RALGAPA2: variants seen among roughly 807,000 people sequenced by gnomAD.
The protein encoded by RALGAPA2 is ral GTPase-activating protein subunit alpha-2.
A neutral mutation model predicts 230.4 loss-of-function variants in RALGAPA2; 139 were observed. The observed-to-expected ratio is 0.60, with a 90% confidence interval of 0.53 to 0.69. RALGAPA2 has a LOEUF of 0.69. RALGAPA2 is among the 30% of genes least tolerant of loss of function. The probability of loss-of-function intolerance (pLI) is 0.00; values close to 1 mark genes in which losing one functional copy is unlikely to be tolerated. For synonymous variants in RALGAPA2, 847 were observed against 837.8 expected, an observed-to-expected ratio of 1.01 and a Z score of -0.19; for missense variants, 2,163 against 2,276.0, an observed-to-expected ratio of 0.95 and a Z score of 1.01.
At chr20:20,460,641 T>G (rs779268593) in intron 37 of RALGAPA2, among the ~76,000 whole-genome samples, 56 of 152,202 alleles carry the variant, frequency 3.7e-4, no homozygotes, top group Non-Finnish European at 6.8e-4. Flanking sequence ...ATGTTTCCCC[T>G]AAATTAAAAA....
At chr20:20,549,265 G>C (rs1318734213) in intron 23 of RALGAPA2, among the ~76,000 whole-genome samples, 1 of 152,084 alleles carries the variant, frequency 6.6e-6, no homozygotes, top group Non-Finnish European at 1.5e-5. Flanking sequence ...CTGTAAAATG[G>C]GGCATTCAAA....
intron 23 of RALGAPA2, among the ~76,000 whole-genome samples, chr20:20,557,304 G>A (rs533055284): frequency 7.3e-5 from 11 of 151,432 alleles, no homozygotes; most frequent in African/African-American, 1.5e-4. Context: ...GTGATACTCC[G>A]TCTTAAAAAA....
At position 20,390,271 on chromosome 20, in the gene RALGAPA2, T is replaced by G. The variant is rs1454351234; in HGVS notation, c.*3018A>C. 6.6e-6 allele frequency: 1 copy of G among 152,188 alleles called. No homozygotes were observed. The highest frequency in any genetic ancestry group is 1.5e-5 in the Non-Finnish European group (1 of 68,036). 9.4% of individuals were successfully genotyped at this position (152,188 alleles called of 1,614,324 possible). ...TGATCAATCAACCTATGTCACCAAG[T>G]TTGGGTCACCCCACTTCCCCAACAT... On this transcript the variant is annotated 3_prime_UTR_variant, in exon 40 of 40. Transcript: ENST00000202677.
intron 12 of RALGAPA2, among the ~76,000 whole-genome samples, chr20:20,616,581 G>T (rs1475577540): frequency 6.6e-6 from 1 of 152,130 alleles, no homozygotes; most frequent in African/African-American, 2.4e-5. Context: ...GGGGGAATGG[G>T]AGGAGTAGAG....
At chr20:20,626,937 GCTGACCCCTGCTATAGATGATA>G (rs1435512115) in intron 10 of RALGAPA2, among the ~76,000 whole-genome samples, 1 of 152,152 alleles carries the variant, frequency 6.6e-6, no homozygotes, top group Non-Finnish European at 1.5e-5. Context: ...TAAAAAGTGT[GCTGACCCCTGCTATAGATGATA>G]CACTCCAGGA....
intron 14 of RALGAPA2, among the ~76,000 whole-genome samples, chr20:20,605,982 C>T (rs571526045): frequency 6.6e-6 from 1 of 152,228 alleles, no homozygotes; most frequent in South Asian, 2.1e-4. Context: ...ACACTCTGGA[C>T]CCCTTCCTCG....
intron 31 of RALGAPA2, among the ~76,000 whole-genome samples, chr20:20,519,606 A>G (rs563718877): frequency 1.3e-5 from 2 of 152,286 alleles, no homozygotes; most frequent in East Asian, 3.9e-4. Context: ...CTCCTGTTTC[A>G]TTCTCACCTT....
intron 14 of RALGAPA2, among the ~76,000 whole-genome samples, chr20:20,609,217 T>C (rs1260886534): frequency 6.6e-6 from 1 of 152,154 alleles, no homozygotes; most frequent in Non-Finnish European, 1.5e-5. Flanking sequence ...CAGGCTGCTT[T>C]TGAATTCATG....
intron 1 of RALGAPA2, among the ~76,000 whole-genome samples, chr20:20,689,725 T>G (rs2068834179): frequency 6.6e-6 from 1 of 152,170 alleles, no homozygotes; most frequent in African/African-American, 2.4e-5. Context: ...TTGGTAGAGA[T>G]CACAAAAAAA....
intron 23 of RALGAPA2, among the ~76,000 whole-genome samples, chr20:20,550,188 C>T (rs2063884449): frequency 6.6e-6 from 1 of 152,142 alleles, no homozygotes; most frequent in Admixed American, 6.5e-5. Flanking sequence ...TATTCTTATG[C>T]CTCTGCGTAC....
At chr20:20,703,775 G>A (rs941238420) in intron 1 of RALGAPA2, among the ~76,000 whole-genome samples, 13 of 152,146 alleles carry the variant, frequency 8.5e-5, no homozygotes, top group African/African-American at 3.1e-4. Flanking sequence ...ACAATGAAAG[G>A]CATAAAGGAA....
intron 24 of RALGAPA2, among the ~76,000 whole-genome samples, chr20:20,539,281 G>T (rs527797649): frequency 9.2e-5 from 14 of 152,066 alleles, no homozygotes; most frequent in African/African-American, 3.4e-4. Flanking sequence ...TGAAAATTCT[G>T]ACTGAGCAGG....
At chr20:20,414,214 T>C (rs1014551069) in intron 37 of RALGAPA2, among the ~76,000 whole-genome samples, 5 of 152,142 alleles carry the variant, frequency 3.3e-5, no homozygotes, top group African/African-American at 1.2e-4. Context: ...TGGCCCGCTG[T>C]CAACGCTCAA....
At chr20:20,465,236 G>T (rs951764959) in intron 37 of RALGAPA2, among the ~76,000 whole-genome samples, 1 of 146,378 alleles carries the variant, frequency 6.8e-6, no homozygotes, top group African/African-American at 2.5e-5. Context: ...ATGGACACAA[G>T]GCCCCCACTG....
intron 23 of RALGAPA2, among the ~76,000 whole-genome samples, chr20:20,562,100 A>C (rs1226581455): frequency 6.6e-6 from 1 of 152,190 alleles, no homozygotes; most frequent in Non-Finnish European, 1.5e-5. Context: ...ATTGCAACCA[A>C]AGTGGCTCAG....
intron 13 of RALGAPA2, among the ~76,000 whole-genome samples, chr20:20,613,560 C>T (rs2066039106): frequency 6.6e-6 from 1 of 152,164 alleles, no homozygotes; most frequent in Non-Finnish European, 1.5e-5. Flanking sequence ...TAGCTGGTGT[C>T]CTTCCTTTGG....
chr20:20,468,575 G>A (rs1176557793), intron 37 of RALGAPA2, among the ~76,000 whole-genome samples: 3 of 152,144 alleles, frequency 2.0e-5, no homozygotes, highest in Admixed American at 2.0e-4. Context: ...AAACCACCCA[G>A]TAGGATGTCT....
chr20:20,598,667 G>C (rs760848202), intron 16 of RALGAPA2: 20 of 455,404 alleles, frequency 4.4e-5, no homozygotes, highest in Non-Finnish European at 8.8e-5. Context: ...ACATGAGACA[G>C]TATTACAGTA....
At chr20:20,495,522 G>A (rs558223205) in intron 35 of RALGAPA2, among the ~76,000 whole-genome samples, 5 of 152,198 alleles carry the variant, frequency 3.3e-5, no homozygotes, top group Non-Finnish European at 5.9e-5. Flanking sequence ...CAGCTGGATG[G>A]GGCTGAGGCC....
Sources: allele counts gnomAD v4.1 joint callset (sites outside exome capture counted in the v4.1 genomes callset), GRCh38; gene constraint gnomAD v4.1.1; transcripts MANE v1.5; gene names NCBI Gene and HGNC (gene_info 2026-07-23, HGNC 2026-07-21).